Variants in MRC2 observed in about 807,000 individuals in gnomAD.
The protein encoded by MRC2 is C-type mannose receptor 2.
A neutral mutation model predicts 206.2 loss-of-function variants in MRC2; 84 were observed. That is an observed-to-expected ratio of 0.41 (90% CI 0.34 to 0.49). The LOEUF (loss-of-function observed/expected upper bound fraction) is 0.49, where lower values mean the gene tolerates loss of function less well. MRC2 is among the 20% of genes least tolerant of loss of function. The probability of loss-of-function intolerance (pLI) is 0.31; values close to 1 mark genes in which losing one functional copy is unlikely to be tolerated. For synonymous variants in MRC2, 798 were observed against 800.0 expected, an observed-to-expected ratio of 1.00 and a Z score of 0.04; for missense variants, 1,676 against 2,001.5, an observed-to-expected ratio of 0.84 and a Z score of 3.10.
rs376004375 is a variant in MRC2 at position 62,664,042 on chromosome 17, C to T, written c.119-506C>T. On this transcript the variant is annotated intron_variant, in intron 1 of 29. Transcript: ENST00000303375. This position sits in a 1 kb window ranked among gnomAD's most constrained non-coding sequence, Gnocchi z 4.7. ...TGGCGGGATCTCGGCTCACTGCAAG[C>T]TCCGCCTCCCGGGTTCACGCCATTC... 4.7e-5 allele frequency among the ~76,000 whole-genome samples: 7 copies of T among 148,244 alleles called. No homozygotes were observed. The East Asian group carries it at 1.0e-3, about 21-fold the overall frequency.
intron 12 of MRC2, 141 bp from the exon 13 acceptor site, chr17:62,678,363 C>G: frequency 8.5e-7 from 1 of 1,180,630 alleles, no homozygotes; most frequent in Admixed American, 3.2e-5. Context: ...TGCAGATGAA[C>G]AGGATTGTCC....
intron 20 of MRC2, among the ~76,000 whole-genome samples, chr17:62,682,849 C>T (rs1360067591): frequency 2.0e-5 from 3 of 151,980 alleles, no homozygotes; most frequent in African/African-American, 7.3e-5. Context: ...ACCATGTTGG[C>T]CAGGCTAGTC....
chr17:62,648,100 T>TAGATATTAGAGATAATTAGATAATTA (rs2088511728), intron 1 of MRC2, among the ~76,000 whole-genome samples: 1 of 152,226 alleles, frequency 6.6e-6, no homozygotes, highest in East Asian at 1.9e-4. Context: ...AATTTTTAAT[T>TAGATATTAGAGATAATTAGATAATTA]GATATTAGAG....
Position 62,667,510 on chromosome 17 carries a change from C to G in MRC2, c.1094C>G (p.Ala365Gly). The G allele has an allele frequency of 6.2e-7, 1 of 1,611,318 alleles. No homozygotes were observed. The highest frequency in any genetic ancestry group is 2.2e-5 in the East Asian group (1 of 44,682). Residue 365 changes from alanine to glycine, a missense_variant, in exon 6 of 30, where the codon GCC becomes GGC. Around this residue, in one of 3 missense-constraint regions of MRC2, gnomAD observed 1,354 missense variants for 1,636.6 expected, o/e 0.83. Transcript: ENST00000303375. This position sits in a 1 kb window ranked among gnomAD's most constrained non-coding sequence, Gnocchi z 4.1. Reference sequence around the variant, plus strand: ...TATGTGTGCAAGAAGAAGCCCAACGCCACGGCCGAGCCCACCCCTCCAGGT... The same window carrying G: ...TATGTGTGCAAGAAGAAGCCCAACGGCACGGCCGAGCCCACCCCTCCAGGT... ...LPYVCKKKPN[A>G]TAEPTPPDRW...
In MRC2 at chr17:62,655,266, A is replaced by G. The variant is rs1266092379; in HGVS notation, c.119-9282A>G. On this transcript the variant is annotated intron_variant, in intron 1 of 29. Coordinates refer to ENST00000303375, the MANE Select transcript of MRC2 (RefSeq NM_006039.5). ...GCTCCACTGCACTCCAGGCTGGGCA[A>G]CAGAGCAGACTCCGTCTCAAACACA... is the stretch of plus-strand genomic sequence containing the variant. 1.3e-5 allele frequency among the ~76,000 whole-genome samples: 2 copies of G among 150,368 alleles called. 1 individual carries two copies.
chr17:62,661,577 ATTCC>A (rs67370638), intron 1 of MRC2: 73,684 of 138,858 alleles, frequency 0.53, 18,886 homozygotes, highest in East Asian at 0.64. Context: ...TCCTTCCTTC[ATTCC>A]TTCCTTCCTT....
Position 62,692,291 on chromosome 17 carries a change from C to T in MRC2, c.4280C>T (p.Ala1427Val). ...VVLMAVLLLL[A>V]LLTAALILYR... ...CTGATGGCGGTGCTGCTGCTCCTGG[C>T]CTTGCTGACCGCAGCCCTCATCCTT... The change falls in exon 30 of 30, where the codon GCC (alanine) becomes GTC (valine). Residue 1427 changes from alanine (A) to valine (V), a missense_variant. Coordinates refer to ENST00000303375, the MANE Select transcript of MRC2 (RefSeq NM_006039.5). This position sits in a 1 kb window ranked among gnomAD's most constrained non-coding sequence, Gnocchi z 4.2. The T allele has an allele frequency of 6.3e-7, 1 of 1,597,936 alleles. No homozygotes were observed. The highest frequency in any genetic ancestry group is 1.1e-5 in the South Asian group (1 of 88,814).
Position 62,680,166 on chromosome 17 carries a change from C to G in MRC2, c.2299-4C>G. ...TTCCTCTTCCCTCCACCCGCCTCCT[C>G]CAGTTCTCTTACCACAATTTCGACC... On this transcript the variant is annotated splice_polypyrimidine_tract_variant and splice_region_variant and intron_variant, in intron 14 of 29. Transcript: ENST00000303375. This position sits in a 1 kb window ranked among gnomAD's most constrained non-coding sequence, Gnocchi z 4.8. The G allele has an allele frequency of 1.2e-6, 2 of 1,614,080 alleles. No homozygotes were observed. Among genetic ancestry groups the G allele is most frequent in the Non-Finnish European group, 1.7e-6 (2 of 1,179,978 alleles).
At chr17:62,658,510 G>A (rs1427450455) in intron 1 of MRC2, among the ~76,000 whole-genome samples, 1 of 152,224 alleles carries the variant, frequency 6.6e-6, no homozygotes, top group Non-Finnish European at 1.5e-5. Context: ...CCTCTGTCAA[G>A]TGAGGGGAGG....
In MRC2 at chr17:62,690,639, C is replaced by T; in HGVS notation, c.3893-3C>T. Reference sequence around the variant, plus strand: ...CCCTGACGTGGGCCTTCTTTGCATCCAGCGGGTGGGGCCGTCCTGTCTATC... The same window carrying T: ...CCCTGACGTGGGCCTTCTTTGCATCTAGCGGGTGGGGCCGTCCTGTCTATC... On this transcript the variant is annotated splice_polypyrimidine_tract_variant and splice_region_variant and intron_variant, in intron 26 of 29. Transcript: ENST00000303375. 6.3e-7 allele frequency: 1 copy of T among 1,597,762 alleles called. No individual in the cohort carries two copies.
rs908835759 is a variant in MRC2 at position 62,627,766 on chromosome 17, C to T, written c.-37C>T. On this transcript the variant is annotated 5_prime_UTR_variant, in exon 1 of 30. Coordinates refer to ENST00000303375, the MANE Select transcript of MRC2 (RefSeq NM_006039.5). ...GCCACAGCGCGTTGCGCCTGTGCGCCCTCGGTCCCCGCGTCCACTGAGCGC... is the reference window on the plus strand; with the variant it reads ...GCCACAGCGCGTTGCGCCTGTGCGCTCTCGGTCCCCGCGTCCACTGAGCGC... The T allele has an allele frequency of 2.2e-6, 3 of 1,363,138 alleles. No individual in the cohort carries two copies. Among genetic ancestry groups the T allele is most frequent in the Middle Eastern group, 2.7e-4 (1 of 3,730 alleles). The allele number at this position is 1,363,138 out of a possible 1,614,324, so 84.4% of individuals were successfully genotyped here.
chr17:62,653,154 T>C (rs373108001), intron 1 of MRC2, among the ~76,000 whole-genome samples: 2 of 152,124 alleles, frequency 1.3e-5, no homozygotes, highest in Admixed American at 6.5e-5. Flanking sequence ...TGCTGCTTGC[T>C]GTAGCGCGGC....
Position 62,652,254 on chromosome 17 carries a change from T to C in MRC2, c.119-12294T>C, listed in dbSNP as rs1318807565. ...CCTCAATCAACCAGGCGTGGAGTCC[T>C]AACCTGTCCATGATTTTAAGAAAGG... On this transcript the variant is annotated intron_variant, in intron 1 of 29. Transcript: ENST00000303375. This position sits in a 1 kb window ranked among gnomAD's most constrained non-coding sequence, Gnocchi z 4.6. 1.3e-5 allele frequency among the ~76,000 whole-genome samples: 2 copies of C among 152,258 alleles called. No individual in the cohort carries two copies. The highest frequency in any genetic ancestry group is 3.2e-3 in the Middle Eastern group (1 of 316).
intron 1 of MRC2, among the ~76,000 whole-genome samples, chr17:62,630,591 TG>T (rs1244262949): frequency 6.6e-6 from 1 of 152,090 alleles, no homozygotes; most frequent in Non-Finnish European, 1.5e-5. Flanking sequence ...AGAATGGGGA[TG>T]GGACCTGCAA....
At position 62,690,082 on chromosome 17, in the gene MRC2, G is replaced by T; in HGVS notation, c.3742+20G>T. ...GCAGTGGTGAGTGCCCACCTGCCAG[G>T]GCGGGGGCATGGGCAAGCTGTCGGT... is the stretch of plus-strand genomic sequence containing the variant. On this transcript the variant is annotated intron_variant, in intron 25 of 29. Coordinates refer to ENST00000303375, the MANE Select transcript of MRC2 (RefSeq NM_006039.5). The T allele has an allele frequency of 6.3e-7, 1 of 1,585,040 alleles. No individual in the cohort carries two copies. Among genetic ancestry groups the T allele is most frequent in the Non-Finnish European group, 8.6e-7 (1 of 1,163,306 alleles).
chr17:62,640,357 A>C (rs1246733484), intron 1 of MRC2, among the ~76,000 whole-genome samples: 2 of 152,082 alleles, frequency 1.3e-5, no homozygotes, highest in African/African-American at 4.8e-5. Flanking sequence ...CTGAACATTG[A>C]AAACGTACCA....
chr17:62,686,551 G>A (rs2465440), intron 20 of MRC2, among the ~76,000 whole-genome samples: 6 of 151,990 alleles, frequency 3.9e-5, no homozygotes, highest in African/African-American at 1.2e-4. Context: ...CCTTCGCCCC[G>A]CTGCTCACCT....
intron 1 of MRC2, among the ~76,000 whole-genome samples, chr17:62,654,685 C>T (rs777548871): frequency 3.3e-5 from 5 of 152,138 alleles, no homozygotes; most frequent in Non-Finnish European, 7.3e-5. Context: ...TTGAAGCAGA[C>T]AGGACGGGAG....
chr17:62,636,558 T>C (rs1434159479), intron 1 of MRC2, among the ~76,000 whole-genome samples: 1 of 134,322 alleles, frequency 7.4e-6, no homozygotes, highest in Non-Finnish European at 1.5e-5. Flanking sequence ...AAGCTCCACC[T>C]CCCAGGTTCA....
Sources: allele counts gnomAD v4.1 joint callset (sites outside exome capture counted in the v4.1 genomes callset), GRCh38; gene constraint gnomAD v4.1.1; regional missense constraint gnomAD v4.1.1; non-coding constraint Gnocchi (gnomAD v3.1); transcripts MANE v1.5; gene names NCBI Gene and HGNC (gene_info 2026-07-23, HGNC 2026-07-21).